TRPM1: variants seen among roughly 807,000 people sequenced by gnomAD.
TRPM1 encodes transient receptor potential cation channel subfamily M member 1, also known as TRPM1-203 APA Isoform, Intron 10.
In TRPM1, 113 loss-of-function variants were observed where a neutral mutation model predicts 149.4. The ratio of observed to expected loss-of-function variants is 0.76; its 90% CI spans 0.65 to 0.88. The LOEUF (loss-of-function observed/expected upper bound fraction) is 0.88, where lower values mean the gene tolerates loss of function less well. Ranked by LOEUF, TRPM1 falls within the 40% of genes least tolerant of loss-of-function variation. The pLI is 0.00. For missense variants in TRPM1, 1,976 were observed against 2,038.7 expected (o/e 0.97, Z 0.59); for synonymous variants, 741 against 759.5 (o/e 0.98, Z 0.40).
chr15:31,022,964 G>A lies in TRPM1; in HGVS notation c.3629+3175C>T, dbSNP rs145659971. 3.5e-3 allele frequency among the ~76,000 whole-genome samples: 540 copies of A among 152,354 alleles called. 4 individuals are homozygous for A. Among genetic ancestry groups the A allele is most frequent in the African/African-American group, 0.012 (517 of 41,576 alleles). On this transcript the variant is annotated intron_variant, in intron 27 of 27. Transcript: ENST00000256552. Reference sequence around the variant, plus strand: ...TTGAGTCCAGGAGGTTGAGGCTGTGGTGAGACCTGATTGTGCCACTGCACT... The same window carrying A: ...TTGAGTCCAGGAGGTTGAGGCTGTGATGAGACCTGATTGTGCCACTGCACT...
intron 17 of TRPM1, among the ~76,000 whole-genome samples, chr15:31,041,303 C>A (rs143184683): frequency 6.6e-6 from 1 of 152,048 alleles, no homozygotes; most frequent in Non-Finnish European, 1.5e-5. Flanking sequence ...TACAGGCGCC[C>A]GCCACTACGC....
intron 1 of TRPM1, among the ~76,000 whole-genome samples, chr15:31,118,957 T>G (rs1009237010): frequency 1.3e-5 from 2 of 152,008 alleles, no homozygotes; most frequent in Non-Finnish European, 2.9e-5. Context: ...AATAACTTAC[T>G]GGCCAGGCGC....
At chr15:31,127,612 A>G (rs2035967270) in intron 1 of TRPM1, among the ~76,000 whole-genome samples, 1 of 152,126 alleles carries the variant, frequency 6.6e-6, no homozygotes, top group Non-Finnish European at 1.5e-5. Context: ...ACTTGACCTC[A>G]CACAGCTTCC....
Position 31,101,639 on chromosome 15 carries a change from A to T in TRPM1, c.-84+18T>A. 1.0e-6 allele frequency: 1 copy of T among 985,746 alleles called. No individual in the cohort carries two copies. The highest frequency in any genetic ancestry group is 1.7e-5 in the African/African-American group (1 of 57,338). The allele number at this position is 985,746 out of a possible 1,614,324, so 61.1% of individuals were successfully genotyped here. On this transcript the variant is annotated intron_variant, in intron 1 of 27. Coordinates refer to ENST00000256552, the MANE Select transcript of TRPM1 (RefSeq NM_001252024.2). ...ACCTGACCTCCCTTCACCTGTGCTTACCCGCATCTGAGCTTACCTGCCACA... is the reference window on the plus strand; with the variant it reads ...ACCTGACCTCCCTTCACCTGTGCTTTCCCGCATCTGAGCTTACCTGCCACA...
chr15:31,124,181 AG>A (rs2035915043), intron 1 of TRPM1, among the ~76,000 whole-genome samples: 1 of 152,024 alleles, frequency 6.6e-6, no homozygotes, highest in Non-Finnish European at 1.5e-5. Context: ...GCTACTTGGG[AG>A]GCTGAAGCAG....
intron 1 of TRPM1, among the ~76,000 whole-genome samples, chr15:31,088,446 C>A (rs952616065): frequency 4.6e-5 from 7 of 152,182 alleles, no homozygotes; most frequent in African/African-American, 1.7e-4. Context: ...GTAACACTGA[C>A]TGTACGGTAT....
intron 8 of TRPM1, 142 bp downstream of exon 8, chr15:31,062,976 G>T: frequency 8.3e-7 from 1 of 1,212,002 alleles, no homozygotes; most frequent in East Asian, 2.5e-5. Context: ...ATGCTGACCT[G>T]AGGAAATGGG....
chr15:31,066,298 C>G, intron 6 of TRPM1, 51 bp from the exon 7 acceptor site: 1 of 1,605,646 alleles, frequency 6.2e-7, no homozygotes, highest in Non-Finnish European at 8.5e-7. Flanking sequence ...GATGTTAAGA[C>G]CAACAAGGGA....
chr15:31,160,944 G>T (rs75638145), exon 1 of TRPM1: 1 of 1,535,420 alleles, frequency 6.5e-7, no homozygotes, highest in South Asian at 1.2e-5. Flanking sequence ...AGCGAGCCCC[G>T]CTTGAAGGAG....
chr15:31,069,303 G>T, intron 4 of TRPM1: 2 of 555,838 alleles, frequency 3.6e-6, no homozygotes, highest in Non-Finnish European at 4.6e-6. Context: ...GGCTAATAAT[G>T]CTCAGATGCC....
At chr15:31,088,103 A>G (rs761774195) in intron 1 of TRPM1, among the ~76,000 whole-genome samples, 14 of 152,132 alleles carry the variant, frequency 9.2e-5, no homozygotes, top group Non-Finnish European at 1.6e-4. Context: ...GACTTGGGGA[A>G]CTTTTCTGTC....
chr15:31,014,208 C>T (rs573762042), intron 27 of TRPM1, among the ~76,000 whole-genome samples: 43 of 152,246 alleles, frequency 2.8e-4, no homozygotes, highest in African/African-American at 9.1e-4. Flanking sequence ...AGCTGTCATC[C>T]GTCACCTCAG....
intron 24 of TRPM1, among the ~76,000 whole-genome samples, chr15:31,028,786 A>C (rs912394817): frequency 1.3e-5 from 2 of 151,998 alleles, no homozygotes; most frequent in Non-Finnish European, 2.9e-5. Context: ...CAAAGAAAAA[A>C]GTCAGAAACT....
Position 31,003,023 on chromosome 15 carries a change from G to T in TRPM1, c.3677C>A (p.Thr1226Asn). Reference sequence around the variant, plus strand: ...AGTCTGCAGGGAAGTTTTCATAAAAGTTTCTCTTTCATTGATTTCTTCCAA... The same window carrying T: ...AGTCTGCAGGGAAGTTTTCATAAAATTTTCTCTTTCATTGATTTCTTCCAA... ...MRLEEINERE[T>N]FMKTSLQTVD... Residue 1226 changes from threonine to asparagine, a missense_variant, in exon 28 of 28, where the codon ACT (threonine) becomes AAT (asparagine). Thr to Asn is a moderately conservative substitution (Grantham distance 65). Coordinates refer to ENST00000256552, the MANE Select transcript of TRPM1 (RefSeq NM_001252024.2). 6.3e-7 allele frequency: 1 copy of T among 1,597,836 alleles called. No individual in the cohort carries two copies. The highest frequency in any genetic ancestry group is 8.5e-7 in the Non-Finnish European group (1 of 1,175,294).
chr15:31,119,178 T>C (rs1445834585), intron 1 of TRPM1, among the ~76,000 whole-genome samples: 1 of 151,880 alleles, frequency 6.6e-6, no homozygotes, highest in East Asian at 1.9e-4. Context: ...GAGGCAGAGG[T>C]TGTGGTGAGC....
chr15:31,015,892 T>C (rs747861511), intron 27 of TRPM1, among the ~76,000 whole-genome samples: 1 of 152,206 alleles, frequency 6.6e-6, no homozygotes, highest in African/African-American at 2.4e-5. Context: ...ATCTTGTTCT[T>C]CATCCCCACA....
At chr15:31,030,346 A>G (rs900522342) in intron 23 of TRPM1, among the ~76,000 whole-genome samples, 1 of 139,748 alleles carries the variant, frequency 7.2e-6, no homozygotes, top group African/African-American at 3.2e-5. Flanking sequence ...TGGAACATTT[A>G]TTCAACTGTC....
At chr15:31,093,088 C>T (rs142713419) in intron 1 of TRPM1, among the ~76,000 whole-genome samples, 2,580 of 151,956 alleles carry the variant, frequency 0.017, 86 homozygotes, top group African/African-American at 0.06. Flanking sequence ...TGGTGAAACC[C>T]TGTCTTTACT....
chr15:31,029,492 G>A, intron 23 of TRPM1, 101 bp from the exon 24 acceptor site: 3 of 1,169,800 alleles, frequency 2.6e-6, no homozygotes, highest in South Asian at 2.6e-5. Context: ...AAAACAAGTG[G>A]TTTAACAACA....
Sources: allele counts gnomAD v4.1 joint callset (sites outside exome capture counted in the v4.1 genomes callset), GRCh38; gene constraint gnomAD v4.1.1; transcripts MANE v1.5; gene names NCBI Gene and HGNC (gene_info 2026-07-23, HGNC 2026-07-21).